VRK1: variants seen among roughly 807,000 people sequenced by gnomAD.
VRK1 encodes VRK serine/threonine kinase 1, also known as serine/threonine-protein kinase VRK1.
In VRK1, 33 loss-of-function variants were observed where a neutral mutation model predicts 57.1. The observed-to-expected ratio is 0.58, with a 90% CI of 0.44 to 0.77. The LOEUF is 0.77. Ranked by LOEUF, VRK1 falls within the 30% of genes least tolerant of loss-of-function variation. The pLI, the probability that VRK1 is intolerant of heterozygous loss-of-function variation, is 0.00. For synonymous variants in VRK1, 137 were observed against 147.8 expected, an observed-to-expected ratio of 0.93 and a Z score of 0.53; for missense variants, 413 against 477.3, an observed-to-expected ratio of 0.87 and a Z score of 1.25.
intron 11 of VRK1, among the ~76,000 whole-genome samples, chr14:96,868,898 C>T (rs1293397564): frequency 4.0e-5 from 6 of 150,718 alleles, no homozygotes; most frequent in African/African-American, 4.9e-5. Flanking sequence ...CGGGTTCAAG[C>T]GATTCTCCAG....
At chr14:96,879,992 G>A (rs1209066019) in intron 12 of VRK1, among the ~76,000 whole-genome samples, 1 of 151,530 alleles carries the variant, frequency 6.6e-6, no homozygotes, top group Non-Finnish European at 1.5e-5. Flanking sequence ...TCTACTGTGG[G>A]ATATTTTTAA....
intron 12 of VRK1, among the ~76,000 whole-genome samples, chr14:96,879,236 T>TAAG (rs35574088): frequency 0.62 from 93,437 of 151,438 alleles, 29,461 homozygotes; most frequent in African/African-American, 0.66. Context: ...ATTAAAGAGA[T>TAAG]AAGGTAGTTT....
chr14:96,880,313 T>C (rs1183239908), intron 12 of VRK1, among the ~76,000 whole-genome samples: 1 of 152,212 alleles, frequency 6.6e-6, no homozygotes, highest in South Asian at 2.1e-4. Context: ...ATTGATCTTT[T>C]GTTTTTTTTC....
intron 5 of VRK1, among the ~76,000 whole-genome samples, chr14:96,851,062 A>G (rs73357333): frequency 6.6e-6 from 1 of 152,328 alleles, no homozygotes; most frequent in African/African-American, 2.4e-5. Context: ...CAGGAAGTCA[A>G]AGTTACCATT....
At position 96,855,364 on chromosome 14, in the gene VRK1, A is replaced by G. The variant is rs1444299887; in HGVS notation, c.709+8A>G. 6.2e-7 allele frequency: 1 copy of G among 1,613,920 alleles called. No homozygotes were observed. Among genetic ancestry groups the G allele is most frequent in the South Asian group, 1.1e-5 (1 of 91,084 alleles). On this transcript the variant is annotated splice_region_variant and intron_variant, in intron 8 of 12. Coordinates refer to ENST00000216639, the MANE Select transcript of VRK1 (RefSeq NM_003384.3). ...ATGCACACAATGGCGTGGGTATGTC[A>G]GTAGTACTGGAGTGAGAAATAGACT...
At chr14:96,829,946 T>C (rs1038803043) in intron 1 of VRK1, among the ~76,000 whole-genome samples, 1 of 152,198 alleles carries the variant, frequency 6.6e-6, no homozygotes, top group African/African-American at 2.4e-5. Context: ...TTCTTATTGC[T>C]GTTTTCTATA....
At chr14:96,803,486 A>T (rs990414792) in intron 1 of VRK1, among the ~76,000 whole-genome samples, 1 of 152,130 alleles carries the variant, frequency 6.6e-6, no homozygotes, top group African/African-American at 2.4e-5. Context: ...ACATATTGTT[A>T]TAATTACTCT....
chr14:96,828,760 T>C (rs1041048295), intron 1 of VRK1, among the ~76,000 whole-genome samples: 4 of 152,192 alleles, frequency 2.6e-5, no homozygotes, highest in Admixed American at 2.6e-4. Flanking sequence ...AAGTCTTTTG[T>C]GTTTCTCAAG....
chr14:96,877,993 A>G (rs1011735218), intron 12 of VRK1, among the ~76,000 whole-genome samples: 1 of 152,182 alleles, frequency 6.6e-6, no homozygotes, highest in African/African-American at 2.4e-5. Flanking sequence ...AAGGAGAACA[A>G]TTCAGTTTTT....
At chr14:96,879,788 G>A (rs1296284099) in intron 12 of VRK1, among the ~76,000 whole-genome samples, 1 of 151,886 alleles carries the variant, frequency 6.6e-6, no homozygotes, top group African/African-American at 2.4e-5. Flanking sequence ...AATTACCTGG[G>A]CGTGGTGACA....
intron 3 of VRK1, among the ~76,000 whole-genome samples, chr14:96,845,377 T>C (rs1887640762): frequency 6.6e-6 from 1 of 152,244 alleles, no homozygotes; most frequent in South Asian, 2.1e-4. Context: ...CAGGCTGTTA[T>C]TTCTTGTTTG....
intron 1 of VRK1, among the ~76,000 whole-genome samples, chr14:96,813,246 C>G (rs1188641833): frequency 1.3e-5 from 2 of 152,158 alleles, no homozygotes; most frequent in Non-Finnish European, 2.9e-5. Flanking sequence ...TCGGTGCTGA[C>G]TGGGATTTTC....
intron 10 of VRK1, among the ~76,000 whole-genome samples, chr14:96,857,569 T>G (rs1254512360): frequency 6.6e-6 from 1 of 152,166 alleles, no homozygotes; most frequent in Non-Finnish European, 1.5e-5. Context: ...GGTCTCCTGC[T>G]TCTGGCATGG....
chr14:96,848,161 C>T lies in VRK1; in HGVS notation c.374+817C>T, dbSNP rs1332757475. On this transcript the variant is annotated intron_variant, in intron 5 of 12. Transcript: ENST00000216639. ...GTTCCTTATCTTGCACCTTTGCCCT[C>T]CTCTTCTTGGTTTTGTTCTCTGTTA... is the stretch of plus-strand genomic sequence containing the variant. Among the ~76,000 whole-genome samples, 36 of 152,096 alleles carry T rather than the reference C, an allele frequency of 2.4e-4. 1 individual carries two copies. Among genetic ancestry groups the T allele is most frequent in the Admixed American group, 2.4e-3 (36 of 15,266 alleles).
At chr14:96,860,430 GA>G (rs1056213391) in intron 10 of VRK1, 126 bp from the exon 11 acceptor site, 22 of 882,976 alleles carry the variant, frequency 2.5e-5, no homozygotes, top group Non-Finnish European at 3.7e-5. Flanking sequence ...TGAAGTGATT[GA>G]AAAAAATAGG....
chr14:96,867,890 A>G (rs1253440022), intron 11 of VRK1, among the ~76,000 whole-genome samples: 1 of 152,120 alleles, frequency 6.6e-6, no homozygotes. Flanking sequence ...CTTTGAGAAT[A>G]GTAATTATGA....
chr14:96,825,800 A>G (rs73357304), intron 1 of VRK1, among the ~76,000 whole-genome samples: 6,587 of 152,334 alleles, frequency 0.043, 464 homozygotes, highest in African/African-American at 0.15. Context: ...GAGTGTCTCT[A>G]TACAGTGTAA....
chr14:96,825,668 T>G (rs1047942397), intron 1 of VRK1, among the ~76,000 whole-genome samples: 1 of 152,130 alleles, frequency 6.6e-6, no homozygotes, highest in Admixed American at 6.5e-5. Context: ...TGTCAATCAA[T>G]GTATAAGGAG....
At chr14:96,859,248 G>GT (rs1195104054) in intron 10 of VRK1, among the ~76,000 whole-genome samples, 1 of 147,966 alleles carries the variant, frequency 6.8e-6, no homozygotes, top group African/African-American at 2.4e-5. Context: ...CTTGTTAAAT[G>GT]TATCTACTAG....
Sources: gnomAD v4.1 joint callset for allele counts (sites outside exome capture counted in the v4.1 genomes callset) on GRCh38, gnomAD v4.1.1 for gene constraint, MANE v1.5 for transcripts, NCBI Gene and HGNC (gene_info 2026-07-23, HGNC 2026-07-21) for gene names.